ZNF678: variants seen among roughly 807,000 people sequenced by gnomAD.
ZNF678 encodes hypothetical protein MGC42493.
In ZNF678, 5 loss-of-function variants were observed where a neutral mutation model predicts 3.0. The observed-to-expected ratio is 1.69, with a 90% CI of 0.88 to 3.56. The LOEUF (loss-of-function observed/expected upper bound fraction) is 3.56, where lower values mean the gene tolerates loss of function less well. Among genes scored for constraint, ZNF678 ranks in the 30% most tolerant of loss-of-function variants. The probability of loss-of-function intolerance (pLI) is 0.00; values close to 1 mark genes in which losing one functional copy is unlikely to be tolerated. For missense variants in ZNF678, 593 were observed against 605.0 expected, an observed-to-expected ratio of 0.98 and a Z score of 0.21; for synonymous variants, 218 against 199.6, an observed-to-expected ratio of 1.09 and a Z score of -0.78.
At chr1:227,613,807 G>A (rs1047611085) in intron 1 of ZNF678, among the ~76,000 whole-genome samples, 11 of 152,116 alleles carry the variant, frequency 7.2e-5, no homozygotes, top group Non-Finnish European at 8.8e-5. Context: ...TGTGTCCTGT[G>A]TGTTTACTGT....
chr1:227,643,788 T>A (rs1056228757), intron 1 of ZNF678, among the ~76,000 whole-genome samples: 1 of 151,904 alleles, frequency 6.6e-6, no homozygotes, highest in Non-Finnish European at 1.5e-5. Context: ...CTCTGACCTA[T>A]ATGCCACACT....
downstream of ZNF678, among the ~76,000 whole-genome samples, chr1:227,666,477 G>T (rs1451804979): frequency 2.6e-5 from 4 of 152,172 alleles, no homozygotes; most frequent in African/African-American, 7.2e-5. Flanking sequence ...GAACTAAACT[G>T]TTTTTTAACA....
At chr1:227,580,612 C>T (rs1657101313) in intron 1 of ZNF678, among the ~76,000 whole-genome samples, 1 of 152,062 alleles carries the variant, frequency 6.6e-6, no homozygotes, top group South Asian at 2.1e-4. Context: ...ATTTATCTAA[C>T]TTCTAAGTCT....
intron 1 of ZNF678, among the ~76,000 whole-genome samples, chr1:227,617,953 A>G (rs1658182060): frequency 6.6e-6 from 1 of 152,118 alleles, no homozygotes; most frequent in Non-Finnish European, 1.5e-5. Flanking sequence ...CAAAGTGGCC[A>G]TGGTCTCTGG....
intron 1 of ZNF678, among the ~76,000 whole-genome samples, chr1:227,566,189 A>G (rs990476282): frequency 6.6e-6 from 1 of 152,158 alleles, no homozygotes. Flanking sequence ...CCCAGAGGAC[A>G]GCCTATGGCA....
At chr1:227,579,790 G>A (rs967429733) in intron 1 of ZNF678, among the ~76,000 whole-genome samples, 1 of 152,198 alleles carries the variant, frequency 6.6e-6, no homozygotes, top group Non-Finnish European at 1.5e-5. Context: ...TCAGACCAGC[G>A]CCATCTGATA....
intron 1 of ZNF678, among the ~76,000 whole-genome samples, chr1:227,636,638 T>A (rs1312905258): frequency 6.6e-6 from 1 of 152,168 alleles, no homozygotes; most frequent in African/African-American, 2.4e-5. Flanking sequence ...CCTCCTACCT[T>A]TAAGGATAGT....
At chr1:227,622,170 G>A (rs78739256) in intron 1 of ZNF678, among the ~76,000 whole-genome samples, 4,105 of 152,258 alleles carry the variant, frequency 0.027, 64 homozygotes, top group Middle Eastern at 0.041. Context: ...TCTCTGAAGC[G>A]TGGTACTTAG....
chr1:227,647,449 C>T (rs1316882187), intron 2 of ZNF678, among the ~76,000 whole-genome samples: 1 of 152,114 alleles, frequency 6.6e-6, no homozygotes, highest in Non-Finnish European at 1.5e-5. Flanking sequence ...TGAAACAGGT[C>T]TTGCTGTGTC....
intron 1 of ZNF678, among the ~76,000 whole-genome samples, chr1:227,636,516 A>G (rs1163180861): frequency 2.0e-5 from 3 of 152,138 alleles, no homozygotes; most frequent in Admixed American, 6.5e-5. Context: ...TCTATTTAGC[A>G]TATATATAGA....
At chr1:227,608,305 A>G (rs946725050) in intron 1 of ZNF678, among the ~76,000 whole-genome samples, 2 of 152,118 alleles carry the variant, frequency 1.3e-5, no homozygotes, top group Non-Finnish European at 2.9e-5. Context: ...GGTGAGTACT[A>G]AGAAGGAAGC....
chr1:227,641,753 T>C (rs1051907804), intron 1 of ZNF678, among the ~76,000 whole-genome samples: 4 of 114,976 alleles, frequency 3.5e-5, no homozygotes, highest in Admixed American at 8.2e-5. Flanking sequence ...TTAGACCATA[T>C]TTCTACAAAA....
chr1:227,664,501 A>T (rs764083520), downstream of ZNF678, among the ~76,000 whole-genome samples: 2 of 152,110 alleles, frequency 1.3e-5, no homozygotes, highest in African/African-American at 4.8e-5. Context: ...CTCTCCTGAG[A>T]TGCCCTGTGT....
Position 227,658,227 on chromosome 1 carries a change from TTTG to T in ZNF678, c.*2402_*2404del, listed in dbSNP as rs1177838634. On this transcript the variant is annotated 3_prime_UTR_variant, in exon 4 of 4. Transcript: ENST00000343776. Reference sequence around the variant, plus strand: ...AATTTTTTTCACTTTATTGAGCCATTTTGTTTAGATGTACACTGGGAAGGCTTC... The same window carrying T: ...AATTTTTTTCACTTTATTGAGCCATTTTTAGATGTACACTGGGAAGGCTTC... The T allele has an allele frequency of 6.6e-6, 1 of 152,052 alleles. No homozygotes were observed. The highest frequency in any genetic ancestry group is 2.4e-5 in the African/African-American group (1 of 41,420). 9.4% of individuals were successfully genotyped at this position (152,052 alleles called of 1,614,324 possible). A position where few individuals can be genotyped will look rare whatever the true frequency, so the allele number is the denominator to read the frequency against.
chr1:227,636,043 T>C (rs757606054), intron 1 of ZNF678, among the ~76,000 whole-genome samples: 2 of 152,204 alleles, frequency 1.3e-5, no homozygotes, highest in Non-Finnish European at 2.9e-5. Flanking sequence ...ATCGTGTCGT[T>C]GTAGCAGGAG....
intron 1 of ZNF678, among the ~76,000 whole-genome samples, chr1:227,608,154 A>G (rs913707792): frequency 3.3e-5 from 5 of 152,148 alleles, no homozygotes; most frequent in Admixed American, 6.5e-5. Context: ...GAATAACAAT[A>G]AAATGTACCA....
intron 2 of ZNF678, among the ~76,000 whole-genome samples, chr1:227,650,232 C>A (rs1213545424): frequency 6.6e-6 from 1 of 152,166 alleles, no homozygotes; most frequent in African/African-American, 2.4e-5. Flanking sequence ...TGTAGATATT[C>A]TTTTTGCCCA....
At chr1:227,672,997 G>A (rs916843287) in intron 5 of ZNF678, among the ~76,000 whole-genome samples, 18 of 152,076 alleles carry the variant, frequency 1.2e-4, no homozygotes, top group African/African-American at 3.9e-4. Flanking sequence ...AGTAGGGTTG[G>A]CTCAACTCTT....
At chr1:227,569,468 A>AT (rs1292236624) in intron 1 of ZNF678, among the ~76,000 whole-genome samples, 4 of 152,122 alleles carry the variant, frequency 2.6e-5, no homozygotes, top group Non-Finnish European at 4.4e-5. Flanking sequence ...TGTTTTTAAA[A>AT]TTTTTAAAGT....
Sources: gnomAD v4.1 joint callset for allele counts (sites outside exome capture counted in the v4.1 genomes callset) on GRCh38, gnomAD v4.1.1 for gene constraint, MANE v1.5 for transcripts, NCBI Gene and HGNC (gene_info 2026-07-23, HGNC 2026-07-21) for gene names.